The following DIAPH2 variants were observed in gnomAD, a reference collection of about 807,000 sequenced individuals.
The protein encoded by DIAPH2 is diaphanous related formin 2.
In DIAPH2, 35 loss-of-function variants were observed where a neutral mutation model predicts 92.7. The ratio of observed to expected loss-of-function variants is 0.38; its 90% CI spans 0.29 to 0.50. The LOEUF (loss-of-function observed/expected upper bound fraction) is 0.50, where lower values mean the gene tolerates loss of function less well. DIAPH2 is among the 20% of genes least tolerant of loss of function. DIAPH2 has a pLI of 0.94. For missense variants in DIAPH2, 701 were observed against 819.5 expected (o/e 0.86, Z 1.77); for synonymous variants, 301 against 280.4 (o/e 1.07, Z -0.73).
At chrX:97,058,270 A>G (rs112976916) in intron 17 of DIAPH2, among the ~76,000 whole-genome samples, 1 of 111,387 alleles carries the variant, frequency 9.0e-6, no homozygotes, top group African/African-American at 3.3e-5. Flanking sequence ...AACTTACACA[A>G]AACTGGAATC....
At chrX:97,588,574 GGAGA>G (rs764714989) in intron 26 of DIAPH2, among the ~76,000 whole-genome samples, 112 of 109,954 alleles carry the variant, frequency 1.0e-3, no homozygotes, top group Admixed American at 4.7e-3. Context: ...CCATCTGTTT[GGAGA>G]GAGTCAATCT....
intron 26 of DIAPH2, among the ~76,000 whole-genome samples, chrX:97,433,160 G>C (rs751271185): frequency 9.1e-6 from 1 of 110,496 alleles, no homozygotes; most frequent in African/African-American, 3.3e-5. Context: ...GTACCAAAAG[G>C]CATTTCAAGG....
Position 97,351,758 on chromosome X carries a change from A to C in DIAPH2, c.3009+3478A>C, listed in dbSNP as rs536325539. On this transcript the variant is annotated intron_variant, in intron 24 of 26. Transcript: ENST00000324765. ...GCGGAGCTTGCAGTGAGCCAAGATC[A>C]CGCCACTGTACTCCAGCCTGGGCGA... Among the ~76,000 whole-genome samples, 2 of 110,872 alleles carry C rather than the reference A, an allele frequency of 1.8e-5. 1 individual carries two copies. Among genetic ancestry groups the C allele is most frequent in the Non-Finnish European group, 3.8e-5 (2 of 52,502 alleles).
intron 10 of DIAPH2, among the ~76,000 whole-genome samples, chrX:96,932,814 G>T (rs2065627925): frequency 9.1e-6 from 1 of 110,227 alleles, no homozygotes; most frequent in African/African-American, 3.3e-5. Flanking sequence ...TAGTTATTTT[G>T]TAATACAAAT....
intron 21 of DIAPH2, among the ~76,000 whole-genome samples, chrX:97,123,920 A>G (rs146627644): frequency 1.1e-4 from 12 of 112,637 alleles, no homozygotes; most frequent in Non-Finnish European, 2.3e-4. Flanking sequence ...AGTGGTGCAC[A>G]TACAGATTGA....
intron 21 of DIAPH2, among the ~76,000 whole-genome samples, chrX:97,122,275 G>A (rs185843155): frequency 9.0e-6 from 1 of 111,562 alleles, no homozygotes; most frequent in Admixed American, 9.6e-5. Context: ...TTCTCATCTT[G>A]TAATAGATTT....
chrX:97,255,882 A>AT, intron 23 of DIAPH2, among the ~76,000 whole-genome samples: 1 of 112,014 alleles, frequency 8.9e-6, no homozygotes, highest in Non-Finnish European at 1.9e-5. Context: ...TCACCCTGAA[A>AT]TTACGTACAC....
intron 4 of DIAPH2, among the ~76,000 whole-genome samples, chrX:96,827,310 G>A (rs953129310): frequency 3.6e-5 from 4 of 111,945 alleles, no homozygotes; most frequent in African/African-American, 1.3e-4. Flanking sequence ...TGCAAAACAC[G>A]GGGAAGATAT....
chrX:96,893,225 A>G (rs2065319207), intron 5 of DIAPH2, among the ~76,000 whole-genome samples: 1 of 111,729 alleles, frequency 9.0e-6, no homozygotes, highest in South Asian at 3.7e-4. Context: ...CTCCAATTAA[A>G]TGAGGAAAGG....
rs761810476 is a variant in DIAPH2 at position 97,234,345 on chromosome X, A to T, written c.2720-13370A>T. Among the ~76,000 whole-genome samples the T allele has an allele frequency of 6.2e-4, 66 of 107,053 alleles. No individual in the cohort carries two copies. The East Asian group carries it at 0.018, about 30-fold the overall frequency. The allele number at this position is 107,053 out of a possible 115,157, so 93.0% of individuals were successfully genotyped here. A position where few individuals can be genotyped will look rare whatever the true frequency, so the allele number is the denominator to read the frequency against. On this transcript the variant is annotated intron_variant, in intron 22 of 26. Transcript: ENST00000324765. ...AAACTCCATCTCAAAAAAAAAAAAAAAAAGAAAAAAAGAAATCCAGAGGCC... is the reference window on the plus strand; with the variant it reads ...AAACTCCATCTCAAAAAAAAAAAAATAAAGAAAAAAAGAAATCCAGAGGCC...
At chrX:97,546,717 T>A (rs746404340) in intron 26 of DIAPH2, among the ~76,000 whole-genome samples, 1 of 110,739 alleles carries the variant, frequency 9.0e-6, no homozygotes, top group East Asian at 2.9e-4. Context: ...ATGCCTGTAA[T>A]CCCAGCTACT....
chrX:97,231,889 C>T (rs2068012228), intron 22 of DIAPH2, among the ~76,000 whole-genome samples: 1 of 109,588 alleles, frequency 9.1e-6, no homozygotes, highest in African/African-American at 3.3e-5. Flanking sequence ...AAAGAAATTA[C>T]AAAATACAAA....
chrX:96,807,189 T>C (rs764472501), intron 4 of DIAPH2, among the ~76,000 whole-genome samples: 1 of 112,447 alleles, frequency 8.9e-6, no homozygotes, highest in African/African-American at 3.2e-5. Context: ...AGGTTAATAA[T>C]CTGACTAGGC....
intron 26 of DIAPH2, among the ~76,000 whole-genome samples, chrX:97,453,188 T>G (rs1437667502): frequency 1.8e-5 from 2 of 111,708 alleles, no homozygotes; most frequent in East Asian, 5.6e-4. Context: ...CATTTTTACA[T>G]TAATGAATAT....
At position 96,869,968 on chromosome X, in the gene DIAPH2, C is replaced by CTT. The variant is rs774906360; in HGVS notation, c.448-11608_448-11607dup. 1.6e-3 allele frequency among the ~76,000 whole-genome samples: 177 copies of CTT among 110,396 alleles called. 1 individual carries two copies. Among genetic ancestry groups the CTT allele is most frequent in the Admixed American group, 2.8e-3 (29 of 10,316 alleles). On this transcript the variant is annotated intron_variant, in intron 4 of 26. Transcript: ENST00000324765. ...ATTAAGGTAAGGAATATTTCAGAAA[C>CTT]TTTTGCCTGCTTTTCCCTTTTTGTT...
chrX:97,431,294 T>A (rs1055720209), intron 26 of DIAPH2: 11 of 112,647 alleles, frequency 9.8e-5, no homozygotes, highest in Non-Finnish European at 2.1e-4. Flanking sequence ...CATTTTTGTA[T>A]CAATTCATTT....
At chrX:96,955,558 T>C (rs191451426) in intron 15 of DIAPH2, among the ~76,000 whole-genome samples, 1 of 111,479 alleles carries the variant, frequency 9.0e-6, no homozygotes, top group African/African-American at 3.3e-5. Flanking sequence ...AGACAAGTTA[T>C]GTTCCTTCTG....
At chrX:97,018,413 A>C (rs1464540420) in intron 17 of DIAPH2, among the ~76,000 whole-genome samples, 1 of 112,429 alleles carries the variant, frequency 8.9e-6, no homozygotes, top group Non-Finnish European at 1.9e-5. Context: ...TTTTATTTTT[A>C]TGAGAAGTAC....
At chrX:96,948,185 A>G (rs2065749824) in intron 14 of DIAPH2, among the ~76,000 whole-genome samples, 2 of 112,609 alleles carry the variant, frequency 1.8e-5, no homozygotes, top group African/African-American at 6.4e-5. Context: ...GCATTCTAAA[A>G]GTGCAATTTC....
Sources: allele counts gnomAD v4.1 joint callset (sites outside exome capture counted in the v4.1 genomes callset), GRCh38; gene constraint gnomAD v4.1.1; transcripts MANE v1.5; gene names NCBI Gene and HGNC (gene_info 2026-07-23, HGNC 2026-07-21).